The following GRIPAP1 variants were observed in gnomAD, a reference collection of about 807,000 sequenced individuals.
The protein encoded by GRIPAP1 is GRIP1 associated protein 1, also known as GRIP1-associated protein 1.
GRIPAP1 carries 14 observed loss-of-function variants against 84.1 expected under a neutral mutation model. That is an observed-to-expected ratio of 0.17 (90% CI 0.11 to 0.26). GRIPAP1 has a LOEUF of 0.26. Among genes scored for constraint, GRIPAP1 ranks in the 10% least tolerant of loss-of-function variants. The pLI, the probability that GRIPAP1 is intolerant of heterozygous loss-of-function variation, is 1.00. For synonymous variants in GRIPAP1, 261 were observed against 256.8 expected (o/e 1.02, Z -0.15); for missense variants, 518 against 674.2 (o/e 0.77, Z 2.57).
chrX:48,981,503 T>A (rs200827342), intron 19 of GRIPAP1, 31 bp from the exon 20 acceptor site: 397 of 1,194,602 alleles, frequency 3.3e-4, no homozygotes, highest in Non-Finnish European at 4.3e-4. Flanking sequence ...GGCTGGTAGA[T>A]GCCGGAAGGG....
At chrX:48,974,888 A>T (rs1266105481) in intron 25 of GRIPAP1, among the ~76,000 whole-genome samples, 1 of 111,640 alleles carries the variant, frequency 9.0e-6, no homozygotes, top group East Asian at 2.8e-4. Context: ...TAAGTAGTAG[A>T]TTGGGTAGAT....
chrX:48,994,644 C>T (rs1347839729), intron 5 of GRIPAP1, among the ~76,000 whole-genome samples: 1 of 112,021 alleles, frequency 8.9e-6, no homozygotes, highest in Non-Finnish European at 1.9e-5. Context: ...TCCCTCAACA[C>T]AGAAAATTCC....
intron 5 of GRIPAP1, among the ~76,000 whole-genome samples, chrX:48,996,896 C>T (rs2064549780): frequency 9.0e-6 from 1 of 111,145 alleles, no homozygotes; most frequent in African/African-American, 3.3e-5. Flanking sequence ...GGAAGAAGCT[C>T]GAACACTTTT....
chrX:48,984,272 C>T (rs782636409), intron 14 of GRIPAP1, among the ~76,000 whole-genome samples: 1 of 110,814 alleles, frequency 9.0e-6, no homozygotes, highest in African/African-American at 3.3e-5. Flanking sequence ...TTTCAGCAAC[C>T]GTCTTGGATG....
intron 4 of GRIPAP1, 121 bp from the exon 5 acceptor site, chrX:48,997,478 G>T (rs782223353): frequency 6.2e-6 from 3 of 487,191 alleles, no homozygotes; most frequent in African/African-American, 4.7e-5. Context: ...TACAGAGAAT[G>T]AGGTGATATA....
At chrX:48,996,025 A>G (rs782036770) in intron 5 of GRIPAP1, among the ~76,000 whole-genome samples, 261 of 112,454 alleles carry the variant, frequency 2.3e-3, no homozygotes, top group Non-Finnish European at 3.4e-3. Context: ...ACATTTATTC[A>G]TTTAATCCTC....
chrX:48,990,462 T>C lies in GRIPAP1; in HGVS notation c.690+223A>G, dbSNP rs782167664. Among the ~76,000 whole-genome samples, 12 of 112,127 alleles carry C rather than the reference T, an allele frequency of 1.1e-4. No homozygotes were observed. The South Asian group carries it at 4.4e-3, about 41-fold the overall frequency. ...TGAGTGAATGGGCAAAGCTGAGAGA[T>C]GGATGGGATGAAACTTATCATGCAC... On this transcript the variant is annotated intron_variant, in intron 8 of 25. Coordinates refer to ENST00000376423, the MANE Select transcript of GRIPAP1 (RefSeq NM_020137.5).
chrX:48,979,631 G>T (rs936730654), intron 21 of GRIPAP1, among the ~76,000 whole-genome samples: 33 of 106,814 alleles, frequency 3.1e-4, no homozygotes, highest in Non-Finnish European at 6.2e-4. Flanking sequence ...TTATTTTTTA[G>T]ACAGAGTTTC....
chrX:48,981,017 A>G (rs1192628061), intron 21 of GRIPAP1, among the ~76,000 whole-genome samples, 198 bp downstream of exon 21: 1 of 112,087 alleles, frequency 8.9e-6, no homozygotes, highest in Non-Finnish European at 1.9e-5. Flanking sequence ...CAGGGCAAAA[A>G]CGAGAGAAAG....
rs2064517964 is a variant in GRIPAP1, at chrX:48,991,138, G to A, written c.458-28C>T. 5 of 1,059,816 alleles carry A rather than the reference G, an allele frequency of 4.7e-6. No individual in the cohort carries two copies. In the African/African-American group the frequency reaches 5.4e-5, roughly 11 times the overall value. 87.3% of individuals were successfully genotyped at this position (1,059,816 alleles called of 1,213,427 possible). ...GGTGAGTAGAACAGGGATATATGAT[G>A]GATGAGGTGGTCTCTGAAGTCCCTT... On this transcript the variant is annotated intron_variant, in intron 6 of 25. Transcript: ENST00000376423.
chrX:48,996,526 C>G (rs2064547843), intron 5 of GRIPAP1, among the ~76,000 whole-genome samples: 1 of 112,177 alleles, frequency 8.9e-6, no homozygotes, highest in Non-Finnish European at 1.9e-5. Context: ...GCCTGTACTT[C>G]CAGCTACTTG....
At chrX:48,977,834 C>G (rs1244510892) in intron 22 of GRIPAP1, 2 of 111,995 alleles carry the variant, frequency 1.8e-5, no homozygotes, top group Non-Finnish European at 3.7e-5. Flanking sequence ...CCACACCCGG[C>G]CAGACATTTA....
rs782438738 is a variant in GRIPAP1, at chrX:48,991,819, G to A, written c.458-709C>T. On this transcript the variant is annotated intron_variant, in intron 6 of 25. Coordinates refer to ENST00000376423, the MANE Select transcript of GRIPAP1 (RefSeq NM_020137.5). ...CGAGCCATTGCACTCCAGCCTGGGT[G>A]ACAGAGTGAGACTCCGTCTCAAAAA... Among the ~76,000 whole-genome samples, 31 of 110,607 alleles carry A rather than the reference G, an allele frequency of 2.8e-4. No individual in the cohort carries two copies. In the East Asian group the frequency reaches 8.3e-3, roughly 29 times the overall value.
rs781905751 is a variant in GRIPAP1 at position 48,978,394 on chromosome X, G to C, written c.1972C>G (p.Arg658Gly). ...CTACTGCTGTCCCCTGTCTGGGTCC[G>C]GCTTGGTGAGTTCATCTCTGAGAGA... ...LVLSEMNSPSRTQTGDSSSIS... is the reference protein window; with the variant it reads ...LVLSEMNSPSGTQTGDSSSIS... Residue 658 changes from arginine (R) to glycine (G), a missense_variant, in exon 22 of 26, where the codon CGG becomes GGG. By Grantham distance (125) the Arg-to-Gly change is moderately radical. Coordinates refer to ENST00000376423, the MANE Select transcript of GRIPAP1 (RefSeq NM_020137.5). 6 of 1,207,532 alleles carry C rather than the reference G, an allele frequency of 5.0e-6. No individual in the cohort carries two copies. In the Admixed American group the frequency reaches 6.6e-5, roughly 13 times the overall value.
Position 48,999,276 on chromosome X carries a change from C to T in GRIPAP1, c.133G>A (p.Val45Ile). 1 of 1,209,252 alleles carries T rather than the reference C, an allele frequency of 8.3e-7. No homozygotes were observed. The highest frequency in any genetic ancestry group is 1.1e-6 in the Non-Finnish European group (1 of 893,472). Reference protein sequence around the residue: ...GVELTSLRQKVAYLDKEFSKA... With the variant: ...GVELTSLRQKIAYLDKEFSKA... ...CTGAACTCCTTATCCAAGTAGGCGA[C>T]CTTCTGTCGAAGACTGGTGAGTTCT... Residue 45 changes from valine (V) to isoleucine (I), a missense_variant, in exon 3 of 26, where the codon GTC (valine) becomes ATC (isoleucine). By Grantham distance (29) the Val-to-Ile change is conservative. Coordinates refer to ENST00000376423, the MANE Select transcript of GRIPAP1 (RefSeq NM_020137.5).
intron 4 of GRIPAP1, among the ~76,000 whole-genome samples, chrX:48,997,629 G>C (rs1557067166): frequency 9.2e-6 from 1 of 108,559 alleles, no homozygotes; most frequent in Non-Finnish European, 1.9e-5. Context: ...AGAGGAAGTA[G>C]AGATGGGGAA....
intron 24 of GRIPAP1, chrX:48,975,743 G>A (rs2064418578): frequency 8.0e-6 from 3 of 372,695 alleles, no homozygotes; most frequent in Non-Finnish European, 1.4e-5. Flanking sequence ...GGGAGAGAGA[G>A]AGGAGAGGAA....
rs782099749 is a variant in GRIPAP1, at chrX:48,981,725, G to C, written c.1678-34C>G. On this transcript the variant is annotated intron_variant, in intron 18 of 25. Coordinates refer to ENST00000376423, the MANE Select transcript of GRIPAP1 (RefSeq NM_020137.5). ...CAGAAAGCAGCTTAGGCATTGGCTTGGGAAGCCTCTGTCCTCCCAGGAGGG... is the reference window on the plus strand; with the variant it reads ...CAGAAAGCAGCTTAGGCATTGGCTTCGGAAGCCTCTGTCCTCCCAGGAGGG... 5.1e-6 allele frequency: 6 copies of C among 1,167,764 alleles called. No homozygotes were observed. In the African/African-American group the frequency reaches 1.1e-4, roughly 21 times the overall value.
At chrX:48,976,646 A>G (rs964862399) in intron 22 of GRIPAP1, among the ~76,000 whole-genome samples, 12 of 111,555 alleles carry the variant, frequency 1.1e-4, no homozygotes, top group African/African-American at 3.9e-4. Flanking sequence ...GAAGAGAGGG[A>G]CATGTTAAAT....
Sources: gnomAD v4.1 joint callset for allele counts (sites outside exome capture counted in the v4.1 genomes callset) on GRCh38, gnomAD v4.1.1 for gene constraint, MANE v1.5 for transcripts, NCBI Gene and HGNC (gene_info 2026-07-23, HGNC 2026-07-21) for gene names.